KCNMA1: variants seen among roughly 807,000 people sequenced by gnomAD.
KCNMA1 encodes the protein Calcium-activated potassium channel subunit alpha-1.
KCNMA1 carries 29 observed loss-of-function variants against 140.0 expected under a neutral mutation model. The ratio of observed to expected loss-of-function variants is 0.21; its 90% confidence interval spans 0.15 to 0.28. The LOEUF is 0.28. Ranked by LOEUF, KCNMA1 falls within the 10% of genes least tolerant of loss-of-function variation. The pLI, the probability that KCNMA1 is intolerant of heterozygous loss-of-function variation, is 1.00. For missense variants in KCNMA1, 880 were observed against 1,602.2 expected (o/e 0.55, Z 7.70); for synonymous variants, 612 against 611.9 (o/e 1.00, Z 0.00).
At chr10:77,054,360 G>A (rs1365879668) in intron 14 of KCNMA1, among the ~76,000 whole-genome samples, 2 of 152,152 alleles carry the variant, frequency 1.3e-5, no homozygotes, top group Non-Finnish European at 2.9e-5. Context: ...AGAAAAAGGA[G>A]AAAGGATAGA....
chr10:77,477,948 A>G (rs138412323), intron 1 of KCNMA1, among the ~76,000 whole-genome samples: 3 of 152,318 alleles, frequency 2.0e-5, no homozygotes, highest in East Asian at 1.9e-4. Flanking sequence ...TTTGGGTGTC[A>G]TTAGGGTCTG....
chr10:77,213,312 C>T (rs1427545655), intron 3 of KCNMA1, among the ~76,000 whole-genome samples: 2 of 152,130 alleles, frequency 1.3e-5, no homozygotes, highest in Non-Finnish European at 2.9e-5. Context: ...ATCCTTATCC[C>T]CCTAATGTAT....
At chr10:77,107,572 A>G (rs903178360) in intron 9 of KCNMA1, among the ~76,000 whole-genome samples, 1 of 152,222 alleles carries the variant, frequency 6.6e-6, no homozygotes, top group African/African-American at 2.4e-5. Flanking sequence ...CTACTTAGGA[A>G]AAAACCTTGG....
chr10:77,452,471 C>T (rs538128329), intron 1 of KCNMA1, among the ~76,000 whole-genome samples: 2 of 152,218 alleles, frequency 1.3e-5, no homozygotes, highest in East Asian at 1.9e-4. Context: ...GATGAGGAGG[C>T]GAGGTGATGA....
chr10:76,935,974 A>AGCTG, intron 23 of KCNMA1, among the ~76,000 whole-genome samples: 1 of 152,236 alleles, frequency 6.6e-6, no homozygotes, highest in East Asian at 1.9e-4. Context: ...CTCTTATTAT[A>AGCTG]GCTGCTGCTG....
chr10:77,312,901 A>T (rs1203781014), intron 2 of KCNMA1, among the ~76,000 whole-genome samples: 1 of 152,166 alleles, frequency 6.6e-6, no homozygotes, highest in Non-Finnish European at 1.5e-5. Flanking sequence ...CCTTTTCTGG[A>T]GTATACAATC....
At chr10:76,901,751 T>C (rs1018206635) in intron 25 of KCNMA1, 2 of 152,236 alleles carry the variant, frequency 1.3e-5, no homozygotes, top group African/African-American at 4.8e-5. Flanking sequence ...TTGTCTGCTC[T>C]CTGAGCTGGC....
At chr10:77,201,940 T>C (rs771841178) in intron 3 of KCNMA1, among the ~76,000 whole-genome samples, 2 of 152,230 alleles carry the variant, frequency 1.3e-5, no homozygotes, top group Non-Finnish European at 2.9e-5. Flanking sequence ...ATGTAGCATA[T>C]AGCACTATCA....
chr10:77,528,240 T>A (rs1008378708), intron 1 of KCNMA1, among the ~76,000 whole-genome samples: 66 of 152,114 alleles, frequency 4.3e-4, no homozygotes, highest in Admixed American at 5.2e-4. Flanking sequence ...TCCTCAAGAA[T>A]CCAGCAATTT....
At chr10:76,999,017 C>T (rs542029557) in intron 19 of KCNMA1, among the ~76,000 whole-genome samples, 1 of 152,170 alleles carries the variant, frequency 6.6e-6, no homozygotes, top group Non-Finnish European at 1.5e-5. Flanking sequence ...GCTGTCAATA[C>T]CAGTTAAGGC....
intron 3 of KCNMA1, among the ~76,000 whole-genome samples, chr10:77,186,944 C>T (rs10160069): frequency 0.07 from 10,683 of 151,914 alleles, 921 homozygotes; most frequent in East Asian, 0.23. Flanking sequence ...TTGATGTATA[C>T]GCAGTCAAGG....
chr10:77,609,089 A>T (rs2085703280), intron 1 of KCNMA1, among the ~76,000 whole-genome samples: 1 of 152,244 alleles, frequency 6.6e-6, no homozygotes, highest in Non-Finnish European at 1.5e-5. Flanking sequence ...CAATCTCACT[A>T]CTGGTTATAT....
intron 2 of KCNMA1, chr10:77,309,778 T>C (rs145193104): frequency 6.6e-6 from 1 of 152,056 alleles, no homozygotes; most frequent in Non-Finnish European, 1.5e-5. Context: ...AGGCAGAGAG[T>C]CAGGAGACCA....
At chr10:77,322,887 G>T (rs909379190) in intron 2 of KCNMA1, among the ~76,000 whole-genome samples, 5 of 152,156 alleles carry the variant, frequency 3.3e-5, no homozygotes, top group Admixed American at 2.6e-4. Flanking sequence ...TGCAGTCATT[G>T]CACTAAAGGA....
intron 19 of KCNMA1, among the ~76,000 whole-genome samples, chr10:76,986,292 T>C (rs992967347): frequency 6.6e-6 from 1 of 152,258 alleles, no homozygotes; most frequent in African/African-American, 2.4e-5. Flanking sequence ...ACAATTTTGT[T>C]ATTTCCAATA....
chr10:77,133,636 A>C (rs2153994445), intron 5 of KCNMA1, among the ~76,000 whole-genome samples: 1 of 152,216 alleles, frequency 6.6e-6, no homozygotes, highest in Non-Finnish European at 1.5e-5. Flanking sequence ...AACTTTATAC[A>C]CCTAAAAGTA....
intron 14 of KCNMA1, among the ~76,000 whole-genome samples, chr10:77,056,518 C>T (rs1025083669): frequency 1.3e-5 from 2 of 151,786 alleles, no homozygotes; most frequent in African/African-American, 4.8e-5. Flanking sequence ...ATTAAAATAT[C>T]CAAGACACAA....
chr10:77,104,394 G>A (rs181329999), intron 9 of KCNMA1, among the ~76,000 whole-genome samples: 3 of 152,270 alleles, frequency 2.0e-5, no homozygotes, highest in East Asian at 1.9e-4. Context: ...CCAGAATGGC[G>A]GCTCAGCAGC....
intron 2 of KCNMA1, among the ~76,000 whole-genome samples, chr10:77,326,039 C>T (rs964628681): frequency 6.6e-6 from 1 of 152,198 alleles, no homozygotes; most frequent in Non-Finnish European, 1.5e-5. Context: ...AACCATGCCT[C>T]TTACCTCTGC....
Sources: allele counts gnomAD v4.1 joint callset (sites outside exome capture counted in the v4.1 genomes callset), GRCh38; gene constraint gnomAD v4.1.1; transcripts MANE v1.5; gene names NCBI Gene and HGNC (gene_info 2026-07-23, HGNC 2026-07-21).